The following PCDH11X variants were observed in gnomAD, a reference collection of about 807,000 sequenced individuals.
PCDH11X encodes protocadherin 11 X-linked, also known as protocadherin-11 X-linked.
In PCDH11X, 18 loss-of-function variants were observed where a neutral mutation model predicts 53.3. The ratio of observed to expected loss-of-function variants is 0.34; its 90% CI spans 0.23 to 0.50. PCDH11X has a LOEUF of 0.50. Ranked by LOEUF, PCDH11X falls within the 20% of genes least tolerant of loss-of-function variation. The pLI is 0.98. For missense variants in PCDH11X, 570 were observed against 1,032.4 expected, an observed-to-expected ratio of 0.55 and a Z score of 6.14; for synonymous variants, 279 against 393.3, an observed-to-expected ratio of 0.71 and a Z score of 3.44.
intron 10 of PCDH11X, among the ~76,000 whole-genome samples, chrX:92,544,642 C>T (rs1414802099): frequency 1.8e-5 from 2 of 110,196 alleles, no homozygotes; most frequent in Admixed American, 9.8e-5. Context: ...TTGAAGACAC[C>T]GTAAATTCAA....
chrX:92,313,625 G>A lies in PCDH11X; in HGVS notation c.3144+50482G>A, dbSNP rs897887648. On this transcript the variant is annotated intron_variant, in intron 8 of 10. Transcript: ENST00000682573. Reference sequence around the variant, plus strand: ...ATGATGGAGATACTTTCTGAGCAACGCATTGTTAGGTGATTTCCTTGTTAT... The same window carrying A: ...ATGATGGAGATACTTTCTGAGCAACACATTGTTAGGTGATTTCCTTGTTAT... Among the ~76,000 whole-genome samples the A allele has an allele frequency of 3.9e-4, 42 of 108,722 alleles. 1 individual carries two copies. Among genetic ancestry groups the A allele is most frequent in the African/African-American group, 1.1e-3 (33 of 29,864 alleles). 94.4% of individuals were successfully genotyped at this position (108,722 alleles called of 115,157 possible).
At chrX:92,156,216 T>G (rs1490627670) in intron 6 of PCDH11X, among the ~76,000 whole-genome samples, 1 of 109,088 alleles carries the variant, frequency 9.2e-6, no homozygotes, top group African/African-American at 3.4e-5. Flanking sequence ...CCGCTCCAGT[T>G]ACCTCTCAGA....
chrX:92,188,783 C>T (rs2066142535), intron 6 of PCDH11X, among the ~76,000 whole-genome samples: 2 of 111,578 alleles, frequency 1.8e-5, no homozygotes, highest in Non-Finnish European at 3.8e-5. Context: ...TAAGTTTATA[C>T]GTGAAAGTGA....
At chrX:91,954,293 T>C (rs1247645099) in intron 6 of PCDH11X, among the ~76,000 whole-genome samples, 1 of 111,304 alleles carries the variant, frequency 9.0e-6, no homozygotes, top group African/African-American at 3.3e-5. Flanking sequence ...AAGATCTCAT[T>C]CCTTTTTATG....
chrX:91,884,150 C>T (rs1940078216), intron 6 of PCDH11X: 1 of 90,906 alleles, frequency 1.1e-5, no homozygotes. Context: ...GAGATCGTGC[C>T]GTTGCACTCC....
intron 6 of PCDH11X, among the ~76,000 whole-genome samples, chrX:92,177,260 G>A (rs1003505276): frequency 7.2e-5 from 8 of 111,208 alleles, no homozygotes; most frequent in African/African-American, 2.6e-4. Flanking sequence ...TTACAGGATT[G>A]AGCCACTGTG....
intron 10 of PCDH11X, among the ~76,000 whole-genome samples, chrX:92,600,342 G>T (rs1480384673): frequency 3.6e-5 from 4 of 110,922 alleles, no homozygotes; most frequent in African/African-American, 1.3e-4. Flanking sequence ...AAATTGTTTT[G>T]TGGGCCAGAT....
intron 6 of PCDH11X, among the ~76,000 whole-genome samples, chrX:91,989,957 A>C (rs1265996695): frequency 3.6e-5 from 4 of 110,788 alleles, no homozygotes; most frequent in African/African-American, 1.3e-4. Context: ...AGGCTCTGTT[A>C]ATTTTTTTAT....
rs1337253476 is a variant in PCDH11X at position 92,284,498 on chromosome X, T to A, written c.3144+21355T>A. ...TACTAGACTAAAAAACAAAACAATATATTTTAATCCACTGTTAGCAGGATT... is the reference window on the plus strand; with the variant it reads ...TACTAGACTAAAAAACAAAACAATAAATTTTAATCCACTGTTAGCAGGATT... On this transcript the variant is annotated intron_variant, in intron 8 of 10. Coordinates refer to ENST00000682573, the MANE Select transcript of PCDH11X (RefSeq NM_032968.5). Among the ~76,000 whole-genome samples, 53 of 112,304 alleles carry A rather than the reference T, an allele frequency of 4.7e-4. No homozygotes were observed. The Admixed American group carries it at 4.9e-3, about 10-fold the overall frequency.
chrX:91,965,095 T>C lies in PCDH11X; in HGVS notation c.3033+85822T>C, dbSNP rs189621189. 3.4e-3 allele frequency among the ~76,000 whole-genome samples: 383 copies of C among 111,133 alleles called. 1 individual carries two copies. The highest frequency in any genetic ancestry group is 0.012 in the African/African-American group (367 of 30,058). ...TTCAGTAATTTAATGTACATTCAGC[T>C]CTTTAAAAGAACAGAGGATAAACTT... On this transcript the variant is annotated intron_variant, in intron 6 of 10. Transcript: ENST00000682573.
intron 1 of PCDH11X, among the ~76,000 whole-genome samples, chrX:91,790,389 G>A (rs1490343305): frequency 8.9e-6 from 1 of 112,017 alleles, no homozygotes; most frequent in African/African-American, 3.2e-5. Flanking sequence ...AAAGTTCTGA[G>A]AAGTCTTAGT....
chrX:91,909,301 A>G (rs1941297686), intron 6 of PCDH11X, among the ~76,000 whole-genome samples: 3 of 110,497 alleles, frequency 2.7e-5, no homozygotes, highest in Admixed American at 1.9e-4. Context: ...GAAGAATTCA[A>G]TGCTGCTATC....
intron 4 of PCDH11X, among the ~76,000 whole-genome samples, chrX:91,828,521 A>G (rs1937001248): frequency 9.0e-6 from 1 of 111,026 alleles, no homozygotes. Context: ...TTGGTTATCC[A>G]TTTTTTTGGT....
chrX:92,376,614 A>T (rs1207418199), intron 8 of PCDH11X, among the ~76,000 whole-genome samples: 3 of 111,978 alleles, frequency 2.7e-5, no homozygotes, highest in African/African-American at 9.7e-5. Context: ...GGTGAAGTCT[A>T]GATTAATAAA....
chrX:92,027,003 T>A (rs866823761), intron 6 of PCDH11X, among the ~76,000 whole-genome samples: 1 of 103,789 alleles, frequency 9.6e-6, no homozygotes, highest in South Asian at 4.5e-4. Flanking sequence ...TACACAATCA[T>A]AAGGGATACA....
At chrX:92,213,763 G>A (rs181299674) in intron 7 of PCDH11X, among the ~76,000 whole-genome samples, 6 of 111,756 alleles carry the variant, frequency 5.4e-5, no homozygotes, top group African/African-American at 1.9e-4. Flanking sequence ...AACCAACTTA[G>A]AAAAAAAGTT....
At chrX:92,203,937 G>A (rs1332082305) in intron 7 of PCDH11X, among the ~76,000 whole-genome samples, 1 of 112,272 alleles carries the variant, frequency 8.9e-6, no homozygotes. Context: ...ATCACCTGCA[G>A]CCCCAACACC....
intron 9 of PCDH11X, among the ~76,000 whole-genome samples, chrX:92,436,973 TA>T (rs71815223): frequency 0.29 from 24,152 of 84,407 alleles, 2,828 homozygotes; most frequent in East Asian, 0.54. Context: ...AAATAAAAGG[TA>T]AAAAAAAAAA....
At chrX:92,001,472 C>T (rs2525253) in intron 6 of PCDH11X, among the ~76,000 whole-genome samples, 4,038 of 91,720 alleles carry the variant, frequency 0.044, 233 homozygotes, top group African/African-American at 0.15. Flanking sequence ...TTTTTTCTTT[C>T]TTTTTTTTTT....
Sources: allele counts gnomAD v4.1 joint callset (sites outside exome capture counted in the v4.1 genomes callset), GRCh38; gene constraint gnomAD v4.1.1; transcripts MANE v1.5; gene names NCBI Gene and HGNC (gene_info 2026-07-23, HGNC 2026-07-21).